Variants in NMNAT3 observed in about 807,000 individuals in gnomAD.
NMNAT3 encodes nicotinamide nucleotide adenylyltransferase 3, also known as nicotinamide/nicotinic acid mononucleotide adenylyltransferase 3.
A neutral mutation model predicts 24.8 loss-of-function variants in NMNAT3; 21 were observed. The observed-to-expected ratio is 0.85, with a 90% CI of 0.60 to 1.22. The LOEUF (loss-of-function observed/expected upper bound fraction) is 1.22. Among genes scored for constraint, NMNAT3 ranks in the 50% most tolerant of loss-of-function variants. The probability of loss-of-function intolerance (pLI) is 0.00; values close to 1 mark genes in which losing one functional copy is unlikely to be tolerated. For missense variants in NMNAT3, 387 were observed against 436.6 expected, an observed-to-expected ratio of 0.89 and a Z score of 1.01; for synonymous variants, 136 against 155.2, an observed-to-expected ratio of 0.88 and a Z score of 0.92.
At chr3:139,632,084 G>T (rs1354878257) in intron 2 of NMNAT3, among the ~76,000 whole-genome samples, 1 of 151,862 alleles carries the variant, frequency 6.6e-6, no homozygotes, top group African/African-American at 2.4e-5. Context: ...AATTCATCTT[G>T]GTCCTTTCAA....
intron 3 of NMNAT3, among the ~76,000 whole-genome samples, chr3:139,611,570 T>G (rs2055217287): frequency 6.6e-6 from 1 of 152,240 alleles, no homozygotes; most frequent in Non-Finnish European, 1.5e-5. Flanking sequence ...ATGCGCCCTC[T>G]GAAGTTCACC....
rs759630218 is a variant in NMNAT3, at chr3:139,561,292, C to A, written c.759G>T (p.Lys253Asn). The change falls in exon 7 of 7, where the codon AAG becomes AAT. Residue 253 changes from lysine to asparagine, a missense_variant. By Grantham distance (94) the Lys-to-Asn change is moderately conservative. This residue lies in a region of NMNAT3 where 323 missense variants were observed against 345.2 expected (regional missense o/e 0.94). Transcript: ENST00000643695. The stretch of plus-strand genomic sequence containing the variant: ...CTCGGCCCACGCACACCAAGCCAAA[C>A]TTCTCCACTATTTCCTGGATGTGCG... The A allele has an allele frequency of 6.2e-7, 1 of 1,613,948 alleles. No individual in the cohort carries two copies. The highest frequency in any genetic ancestry group is 2.2e-5 in the East Asian group (1 of 44,890).
At chr3:139,675,004 C>A (rs984112215) in intron 1 of NMNAT3, among the ~76,000 whole-genome samples, 1 of 152,072 alleles carries the variant, frequency 6.6e-6, no homozygotes, top group Non-Finnish European at 1.5e-5. Flanking sequence ...GAAAGTCACA[C>A]GAGCAATTTT....
At chr3:139,570,801 GAGGA>G (rs1293933461) in intron 6 of NMNAT3, 1 of 152,788 alleles carries the variant, frequency 6.5e-6, no homozygotes, top group Non-Finnish European at 1.5e-5. Flanking sequence ...GGACCTACTT[GAGGA>G]GGCAGTCTGC....
In NMNAT3 at chr3:139,560,705, TAC is replaced by T; in HGVS notation, c.*303_*304del. Reference sequence around the variant, plus strand: ...CTGCATTCAGCGTGCATGCCATAATTACCATCCACACAAAATAAGTAGACCTC... The same window carrying T: ...CTGCATTCAGCGTGCATGCCATAATTCATCCACACAAAATAAGTAGACCTC... On this transcript the variant is annotated 3_prime_UTR_variant, in exon 7 of 7. Coordinates refer to ENST00000643695, the MANE Select transcript of NMNAT3 (RefSeq NM_001320510.2). 1 of 331,040 alleles carries T rather than the reference TAC, an allele frequency of 3.0e-6. No homozygotes were observed. The allele number at this position is 331,040 out of a possible 1,614,324, so 20.5% of individuals were successfully genotyped here.
At chr3:139,602,297 G>A (rs919934698) in intron 3 of NMNAT3, among the ~76,000 whole-genome samples, 1 of 152,154 alleles carries the variant, frequency 6.6e-6, no homozygotes, top group Non-Finnish European at 1.5e-5. Flanking sequence ...CTCTGCCCTT[G>A]AGGTTAACAG....
intron 3 of NMNAT3, among the ~76,000 whole-genome samples, chr3:139,611,546 A>C (rs113103146): frequency 7.2e-5 from 11 of 152,352 alleles, no homozygotes; most frequent in African/African-American, 2.6e-4. Context: ...CACCATGGTC[A>C]CAAGGAGGGG....
At chr3:139,619,077 T>G (rs1392636045) in intron 3 of NMNAT3, among the ~76,000 whole-genome samples, 1 of 152,192 alleles carries the variant, frequency 6.6e-6, no homozygotes, top group Non-Finnish European at 1.5e-5. Flanking sequence ...TAACTCCAGG[T>G]GGAAGATGCC....
intron 1 of NMNAT3, among the ~76,000 whole-genome samples, chr3:139,669,798 T>A (rs1307821095): frequency 6.6e-6 from 1 of 152,192 alleles, no homozygotes; most frequent in Non-Finnish European, 1.5e-5. Context: ...TAAAGTTAAA[T>A]ATTTTCTCCT....
intron 3 of NMNAT3, among the ~76,000 whole-genome samples, chr3:139,593,568 A>T (rs1237558292): frequency 4.6e-5 from 7 of 152,120 alleles, no homozygotes; most frequent in Admixed American, 6.5e-5. Flanking sequence ...GAAGTAAAGC[A>T]CTCCTCAGCA....
chr3:139,646,873 T>C (rs1316358670), intron 1 of NMNAT3, among the ~76,000 whole-genome samples: 1 of 152,228 alleles, frequency 6.6e-6, no homozygotes, highest in African/African-American at 2.4e-5. Flanking sequence ...CAGTTAAATG[T>C]ACGCTCACGA....
chr3:139,583,092 T>C lies in NMNAT3; in HGVS notation c.226A>G (p.Asn76Asp), dbSNP rs1438455238. 4 of 1,581,764 alleles carry C rather than the reference T, an allele frequency of 2.5e-6. No homozygotes were observed. The highest frequency in any genetic ancestry group is 3.5e-6 in the Non-Finnish European group (4 of 1,153,910). The change falls in exon 4 of 7, where the codon AAT (asparagine) becomes GAT (aspartate). Residue 76 changes from asparagine (N) to aspartate (D), a missense_variant. Transcript: ENST00000643695. ...AAAGATGACTTGTCAGGGTCATCAT[T>C]TTTGCTGCTAACATTATTTTGAATC...
rs199879332 is a variant in NMNAT3 at position 139,613,675 on chromosome 3, C to T, written c.109+13941G>A. On this transcript the variant is annotated intron_variant, in intron 3 of 6. Transcript: ENST00000643695. ...ATTATAAATCATGCTGCTATAAAGACACATGCACACGTATGTTTATTGCGG... is the reference window on the plus strand; with the variant it reads ...ATTATAAATCATGCTGCTATAAAGATACATGCACACGTATGTTTATTGCGG... 2.6e-3 allele frequency among the ~76,000 whole-genome samples: 402 copies of T among 152,184 alleles called. 5 individuals are homozygous for T. Among genetic ancestry groups the T allele is most frequent in the East Asian group, 0.023 (117 of 5,172 alleles).
intron 1 of NMNAT3, among the ~76,000 whole-genome samples, chr3:139,645,918 T>C (rs997814129): frequency 5.9e-5 from 9 of 152,014 alleles, no homozygotes; most frequent in African/African-American, 2.2e-4. Context: ...AACATTGTAA[T>C]AGAATCATCA....
chr3:139,654,449 A>C (rs2057168852), intron 1 of NMNAT3, among the ~76,000 whole-genome samples: 1 of 152,250 alleles, frequency 6.6e-6, no homozygotes, highest in Non-Finnish European at 1.5e-5. Context: ...TTCATTAATG[A>C]AACTGACCTC....
At chr3:139,612,765 G>A (rs147549006) in intron 3 of NMNAT3, among the ~76,000 whole-genome samples, 41 of 152,248 alleles carry the variant, frequency 2.7e-4, no homozygotes, top group African/African-American at 9.9e-4. Flanking sequence ...AAAACAGCAT[G>A]GTACTGGTAC....
chr3:139,634,982 G>C (rs2056446686), intron 2 of NMNAT3: 1 of 152,130 alleles, frequency 6.6e-6, no homozygotes, highest in Non-Finnish European at 1.5e-5. Flanking sequence ...ACCTCCCTAA[G>C]GCTCAGTGAG....
At chr3:139,635,928 C>A (rs2056483551) in intron 2 of NMNAT3, 1 of 152,318 alleles carries the variant, frequency 6.6e-6, no homozygotes, top group African/African-American at 2.4e-5. Flanking sequence ...ATACCTTTCT[C>A]CTCTCCTCTA....
intron 1 of NMNAT3, among the ~76,000 whole-genome samples, chr3:139,653,611 G>A (rs2057132496): frequency 1.3e-5 from 2 of 152,232 alleles, no homozygotes; most frequent in Admixed American, 1.3e-4. Context: ...ATGCCCGAGA[G>A]GGCTCAGTTT....
Sources: gnomAD v4.1 joint callset for allele counts (sites outside exome capture counted in the v4.1 genomes callset) on GRCh38, gnomAD v4.1.1 for gene constraint, gnomAD v4.1.1 regional missense constraint, MANE v1.5 for transcripts, NCBI Gene and HGNC (gene_info 2026-07-23, HGNC 2026-07-21) for gene names.